Variants in CSMD1 observed in about 807,000 individuals in gnomAD.
CSMD1 encodes the protein CUB and Sushi multiple domains 1, also known as CUB and sushi domain-containing protein 1.
In CSMD1, 213 loss-of-function variants were observed where a neutral mutation model predicts 417.5. The observed-to-expected ratio is 0.51, with a 90% CI of 0.46 to 0.57. CSMD1 has a LOEUF of 0.57. Ranked by LOEUF, CSMD1 falls within the 20% of genes least tolerant of loss-of-function variation. CSMD1 has a pLI of 0.00. For missense variants in CSMD1, 6,923 were observed against 4,529.7 expected (o/e 1.53, Z -15.17); for synonymous variants, 2,862 against 1,736.8 (o/e 1.65, Z -16.11).
At chr8:4,230,942 T>C (rs1359548182) in intron 3 of CSMD1, among the ~76,000 whole-genome samples, 2 of 152,164 alleles carry the variant, frequency 1.3e-5, no homozygotes, top group African/African-American at 4.8e-5. Flanking sequence ...TTTTTTCTAC[T>C]TGGAAAACAT....
At chr8:3,408,652 T>C (rs1812496691) in intron 13 of CSMD1, among the ~76,000 whole-genome samples, 1 of 152,138 alleles carries the variant, frequency 6.6e-6, no homozygotes, top group African/African-American at 2.4e-5. Flanking sequence ...GTGAGTGCAT[T>C]TTCTCCAGTA....
intron 5 of CSMD1, among the ~76,000 whole-genome samples, chr8:3,991,452 T>C (rs1021652661): frequency 2.6e-5 from 4 of 152,206 alleles, no homozygotes; most frequent in African/African-American, 9.6e-5. Flanking sequence ...TTGTCATTCA[T>C]GTGTCCTCTT....
At chr8:4,143,110 A>G (rs1803890545) in intron 3 of CSMD1, among the ~76,000 whole-genome samples, 1 of 142,770 alleles carries the variant, frequency 7.0e-6, no homozygotes, top group Non-Finnish European at 1.5e-5. Flanking sequence ...TTAACTTGGG[A>G]AACTATGGAG....
intron 3 of CSMD1, among the ~76,000 whole-genome samples, chr8:4,298,650 A>T (rs979738532): frequency 1.3e-5 from 2 of 152,156 alleles, no homozygotes; most frequent in Admixed American, 1.3e-4. Flanking sequence ...TTTAGTTTTA[A>T]TACAGTTCTA....
At chr8:4,212,858 C>G (rs894731156) in intron 3 of CSMD1, among the ~76,000 whole-genome samples, 4 of 148,598 alleles carry the variant, frequency 2.7e-5, no homozygotes, top group African/African-American at 1.0e-4. Flanking sequence ...GTCCAGCTTT[C>G]CATCCTACAG....
chr8:4,633,801 T>G (rs1030701831), intron 2 of CSMD1, among the ~76,000 whole-genome samples: 1 of 152,074 alleles, frequency 6.6e-6, no homozygotes, highest in Non-Finnish European at 1.5e-5. Context: ...CCTCAGGTGA[T>G]CCACCCGCCT....
chr8:3,068,607 G>C (rs936853750), intron 49 of CSMD1, among the ~76,000 whole-genome samples: 1 of 152,222 alleles, frequency 6.6e-6, no homozygotes, highest in African/African-American at 2.4e-5. Context: ...GCTGGCATCT[G>C]CTTGGCTTCT....
intron 10 of CSMD1, among the ~76,000 whole-genome samples, chr8:3,534,589 A>C (rs1223432300): frequency 8.5e-6 from 1 of 117,364 alleles, no homozygotes; most frequent in Non-Finnish European, 1.6e-5. Flanking sequence ...GACTGATCTA[A>C]AAGTTGTGTT....
At chr8:3,159,213 T>C (rs1819728932) in intron 38 of CSMD1, among the ~76,000 whole-genome samples, 2 of 152,194 alleles carry the variant, frequency 1.3e-5, no homozygotes, top group Non-Finnish European at 2.9e-5. Context: ...ACCAATAAAA[T>C]GGTCATTTAT....
At position 3,931,853 on chromosome 8, in the gene CSMD1, T is replaced by C. The variant is rs990970381; in HGVS notation, c.818+66050A>G. Among the ~76,000 whole-genome samples, 2 of 146,788 alleles carry C rather than the reference T, an allele frequency of 1.4e-5. 1 individual carries two copies. Among genetic ancestry groups the C allele is most frequent in the East Asian group, 4.1e-4 (2 of 4,896 alleles). ...GGACTGGGCTATCTTTAAGGCAGAG[T>C]TGCAAAGGGAGAAGTGATTTTGGTT... is the stretch of plus-strand genomic sequence containing the variant. On this transcript the variant is annotated intron_variant, in intron 5 of 69. Transcript: ENST00000635120.
chr8:4,500,341 T>A (rs1375666671), intron 2 of CSMD1, among the ~76,000 whole-genome samples: 2 of 152,128 alleles, frequency 1.3e-5, no homozygotes, highest in Non-Finnish European at 2.9e-5. Context: ...CACAGTAGAA[T>A]CACTAAACAT....
chr8:4,397,889 T>C (rs1041341842), intron 3 of CSMD1, among the ~76,000 whole-genome samples: 3 of 152,176 alleles, frequency 2.0e-5, no homozygotes, highest in Non-Finnish European at 2.9e-5. Context: ...AATGTTCTAA[T>C]GGCTCCAATT....
At chr8:3,741,109 G>C (rs1360712245) in intron 6 of CSMD1, among the ~76,000 whole-genome samples, 1 of 151,116 alleles carries the variant, frequency 6.6e-6, no homozygotes, top group South Asian at 2.1e-4. Context: ...CAGCTACTTG[G>C]AGTTTGAGGC....
intron 1 of CSMD1, among the ~76,000 whole-genome samples, chr8:4,737,468 G>A (rs1191758767): frequency 6.6e-6 from 1 of 152,054 alleles, no homozygotes; most frequent in East Asian, 1.9e-4. Flanking sequence ...TAACAAACCT[G>A]CACCTGTACC....
At chr8:4,084,745 AC>A (rs1324432258) in intron 3 of CSMD1, among the ~76,000 whole-genome samples, 1 of 84,828 alleles carries the variant, frequency 1.2e-5, no homozygotes, top group African/African-American at 4.5e-5. Flanking sequence ...GCCCACCCCC[AC>A]CCCCCTACCC....
At chr8:3,951,791 T>A (rs544244294) in intron 5 of CSMD1, among the ~76,000 whole-genome samples, 3 of 152,180 alleles carry the variant, frequency 2.0e-5, no homozygotes, top group East Asian at 3.9e-4. Context: ...GAGAACAAAT[T>A]AGTGAGCTGG....
intron 26 of CSMD1, among the ~76,000 whole-genome samples, chr8:3,270,599 T>C (rs527267910): frequency 6.6e-6 from 1 of 152,314 alleles, no homozygotes; most frequent in Non-Finnish European, 1.5e-5. Context: ...TCGACACAGA[T>C]GCAGCCCTTT....
At chr8:4,264,347 A>G (rs776893512) in intron 3 of CSMD1, among the ~76,000 whole-genome samples, 17 of 152,336 alleles carry the variant, frequency 1.1e-4, no homozygotes, top group Admixed American at 6.5e-5. Context: ...CTCATTCAGA[A>G]TAAGAGCTCC....
chr8:4,414,500 T>A (rs17070201), intron 3 of CSMD1, among the ~76,000 whole-genome samples: 4,328 of 152,298 alleles, frequency 0.028, 102 homozygotes, highest in African/African-American at 0.067. Flanking sequence ...TACTGAGCAA[T>A]ATTTTTAAGA....
Sources: allele counts gnomAD v4.1 joint callset (sites outside exome capture counted in the v4.1 genomes callset), GRCh38; gene constraint gnomAD v4.1.1; transcripts MANE v1.5; gene names NCBI Gene and HGNC (gene_info 2026-07-23, HGNC 2026-07-21).